F12: variants seen among roughly 807,000 people sequenced by gnomAD.
The protein encoded by F12 is coagulation factor XII, also known as Hageman factor.
Under a neutral mutation model 74.8 loss-of-function variants are expected in F12, and 70 were observed. The ratio of observed to expected loss-of-function variants is 0.94; its 90% CI spans 0.77 to 1.14. F12 has a LOEUF of 1.14. Among genes scored for constraint, F12 ranks in the 50% most tolerant of loss-of-function variants. The probability of loss-of-function intolerance (pLI) is 0.00; values close to 1 mark genes in which losing one functional copy is unlikely to be tolerated. For synonymous variants in F12, 373 were observed against 356.4 expected, an observed-to-expected ratio of 1.05 and a Z score of -0.52; for missense variants, 811 against 835.7, an observed-to-expected ratio of 0.97 and a Z score of 0.36.
At position 177,404,365 on chromosome 5, in the gene F12, G is replaced by A. The variant is rs749691318; in HGVS notation, c.849C>T (p.Asp283=). Residue 283 remains aspartate, a synonymous_variant, in exon 9 of 14, where the codon GAC becomes GAT. Transcript: ENST00000253496. The part of the protein sequence containing the change: ...IRPWCFVLNR[D]RLSWEYCDLA... Reference sequence around the variant, plus strand: ...GGTCGCAGTACTCCCAGCTCAGCCGGTCGCGGTTCAGCACGAAGCACCACG... The same window carrying A: ...GGTCGCAGTACTCCCAGCTCAGCCGATCGCGGTTCAGCACGAAGCACCACG... 4.2e-5 allele frequency: 68 copies of A among 1,611,930 alleles called. No individual in the cohort carries two copies. The Middle Eastern group carries it at 1.2e-3, about 27-fold the overall frequency.
chr5:177,405,049 C>G lies in F12; in HGVS notation c.529+5G>C. ...TCCCTGGCCCGTTCCCAACCATCTG[C>G]TCACCCTGGCTGGCCAGCCGCTGGC... On this transcript the variant is annotated splice_donor_5th_base_variant and intron_variant, in intron 6 of 13. Coordinates refer to ENST00000253496, the MANE Select transcript of F12 (RefSeq NM_000505.4). 1 of 1,611,742 alleles carries G rather than the reference C, an allele frequency of 6.2e-7. No individual in the cohort carries two copies. Among genetic ancestry groups the G allele is most frequent in the South Asian group, 1.1e-5 (1 of 91,012 alleles).
rs927029487 is a variant in F12, at chr5:177,402,325, G to A, written c.1815C>T (p.Tyr605=). Residue 605 remains tyrosine (Y), a synonymous_variant, in exon 14 of 14, where the codon TAC becomes TAT. Coordinates refer to ENST00000253496, the MANE Select transcript of F12 (RefSeq NM_000505.4). ...CGGTGTGCTCCCGGATCCAGGCCAG[G>A]TAGTAGGCCACATCGGTGTAGACGC... is the stretch of plus-strand genomic sequence containing the variant. ...KPGVYTDVAY[Y]LAWIREHTVS The A allele has an allele frequency of 6.2e-7, 1 of 1,613,882 alleles. No homozygotes were observed. Among genetic ancestry groups the A allele is most frequent in the Non-Finnish European group, 8.5e-7 (1 of 1,180,022 alleles).
chr5:177,404,642 A>G lies in F12; in HGVS notation c.657T>C (p.Asp219=), dbSNP rs367623070. 6.2e-7 allele frequency: 1 copy of G among 1,606,674 alleles called. No individual in the cohort carries two copies. Among genetic ancestry groups the G allele is most frequent in the Non-Finnish European group, 8.5e-7 (1 of 1,179,792 alleles). The stretch of plus-strand genomic sequence containing the variant: ...GGCCGCGGTAGCTGAGCCCGCGGCC[A>G]TCATAGCAGCTTGCCTTGGTGTCTG... The part of the protein sequence containing the change: ...CDVDTKASCY[D]GRGLSYRGLA... The change falls in exon 8 of 14, where the codon GAT becomes GAC. Residue 219 remains aspartate, a synonymous_variant. Transcript: ENST00000253496.
chr5:177,405,398 C>T lies in F12; in HGVS notation c.322G>A (p.Gly108Arg), dbSNP rs1362829054. ...CCGCTTGGCATGTTCACACAGGTCC[C>T]TCCTTTCTGGCAGGGGCTGTGTTTG... Reference protein sequence around the residue: ...CSKHSPCQKGGTCVNMPSGPH... With the variant: ...CSKHSPCQKGRTCVNMPSGPH... The change falls in exon 5 of 14, where the codon GGG becomes AGG. Residue 108 changes from glycine (G) to arginine (R), a missense_variant. Physicochemically the swap from Gly to Arg is moderately radical, Grantham distance 125. Transcript: ENST00000253496. The T allele has an allele frequency of 6.2e-7, 1 of 1,613,990 alleles. No individual in the cohort carries two copies. Among genetic ancestry groups the T allele is most frequent in the Non-Finnish European group, 8.5e-7 (1 of 1,180,014 alleles).
In F12 at chr5:177,402,389, A is replaced by G; in HGVS notation, c.1751T>C (p.Ile584Thr). The G allele has an allele frequency of 1.2e-6, 2 of 1,613,572 alleles. No homozygotes were observed. Among genetic ancestry groups the G allele is most frequent in the Non-Finnish European group, 8.5e-7 (1 of 1,179,908 alleles). The change falls in exon 14 of 14, where the codon ATC becomes ACC. Residue 584 changes from isoleucine (I) to threonine (T), a missense_variant. Ile to Thr is a moderately conservative substitution (Grantham distance 89). Transcript: ENST00000253496. ...GTCACCACAGCCCGATCCCCAGCTG[A>G]TGATGCCTTGCAGGGTGAGCCGGCG... ...AERRLTLQGI[I>T]SWGSGCGDRN...
chr5:177,403,546 G>C lies in F12; in HGVS notation c.1322C>G (p.Thr441Arg). Residue 441 changes from threonine (T) to arginine (R), a missense_variant, in exon 11 of 14, where the codon ACG (threonine) becomes AGG (arginine). Transcript: ENST00000253496. ...CAAGCGGTAGGAGCGCACGGCCAACGTCTGGCACGGCTCACAGCTGTGGTT... is the reference window on the plus strand; with the variant it reads ...CAAGCGGTAGGAGCGCACGGCCAACCTCTGGCACGGCTCACAGCTGTGGTT... ...RRNHSCEPCQTLAVRSYRLHE... is the reference protein window; with the variant it reads ...RRNHSCEPCQRLAVRSYRLHE... The C allele has an allele frequency of 6.3e-7, 1 of 1,599,446 alleles. No individual in the cohort carries two copies. The highest frequency in any genetic ancestry group is 1.1e-5 in the South Asian group (1 of 89,464).
intron 12 of F12, 153 bp downstream of exon 12, chr5:177,403,101 C>G (rs534376662): frequency 3.1e-6 from 3 of 956,308 alleles, no homozygotes; most frequent in African/African-American, 3.3e-5. Flanking sequence ...TGGGATTCTA[C>G]CTGGGATTCA....
chr5:177,409,454 G>T lies in F12; in HGVS notation c.57+17C>A, dbSNP rs1170376539. 6.2e-7 allele frequency: 1 copy of T among 1,613,608 alleles called. No individual in the cohort carries two copies. Among genetic ancestry groups the T allele is most frequent in the African/African-American group, 1.3e-5 (1 of 74,822 alleles). On this transcript the variant is annotated intron_variant, in intron 1 of 13. Transcript: ENST00000253496. ...CCAGAACAATCCTGGGACAATCCTG[G>T]TTCCCACAGCACTCACCGAAAGTGT...
At chr5:177,406,752 G>A (rs968146757) in intron 2 of F12, among the ~76,000 whole-genome samples, 7 of 152,218 alleles carry the variant, frequency 4.6e-5, no homozygotes, top group African/African-American at 1.7e-4. Flanking sequence ...TCTACATTGA[G>A]AATGTGCCTA....
intron 10 of F12, 28 bp from the exon 11 acceptor site, chr5:177,403,645 G>C (rs1428303371): frequency 6.3e-7 from 1 of 1,596,854 alleles, no homozygotes; most frequent in Admixed American, 1.7e-5. Context: ...GAGAGGCAGC[G>C]CTCTCAGACC....
Position 177,405,315 on chromosome 5 carries a change from C to A in F12, c.397+8G>T, listed in dbSNP as rs1442039359. 6.2e-7 allele frequency: 1 copy of A among 1,614,036 alleles called. No individual in the cohort carries two copies. Among genetic ancestry groups the A allele is most frequent in the Non-Finnish European group, 8.5e-7 (1 of 1,179,964 alleles). On this transcript the variant is annotated splice_region_variant and intron_variant, in intron 5 of 13. Transcript: ENST00000253496. ...AGCACCCCGCCCAGGTCCTCCACAT[C>A]TCCTCACCTTTCTGGCAGTGGTTTC...
chr5:177,405,884 G>A (rs922800717), intron 3 of F12, 78 bp downstream of exon 3: 1 of 1,600,646 alleles, frequency 6.2e-7, no homozygotes, highest in African/African-American at 1.3e-5. Flanking sequence ...CTCTCTCCAA[G>A]CAGAGTTCCT....
chr5:177,404,012 C>T lies in F12; in HGVS notation c.1097G>A (p.Ser366Asn). 2 of 1,602,312 alleles carry T rather than the reference C, an allele frequency of 1.2e-6. No homozygotes were observed. Among genetic ancestry groups the T allele is most frequent in the East Asian group, 2.2e-5 (1 of 44,852 alleles). Residue 366 changes from serine (S) to asparagine (N), a missense_variant, in exon 10 of 14, where the codon AGT becomes AAT. Physicochemically the swap from Ser to Asn is conservative, Grantham distance 46. Coordinates refer to ENST00000253496, the MANE Select transcript of F12 (RefSeq NM_000505.4). ...AACGACGCGGGTCATCGAAGACAGA[C>T]TCTTGCGGAGCCGCTGCCCGCAGCT... Reference protein sequence around the residue: ...PLSCGQRLRKSLSSMTRVVGG... With the variant: ...PLSCGQRLRKNLSSMTRVVGG...
chr5:177,408,973 C>G, intron 2 of F12, 73 bp downstream of exon 2: 1 of 1,444,278 alleles, frequency 6.9e-7, no homozygotes, highest in Non-Finnish European at 9.5e-7. Context: ...ACTAGACTGC[C>G]CTGAGACTGC....
At chr5:177,409,125 A>C in intron 1 of F12, 22 bp from the exon 2 acceptor site, 1 of 1,551,148 alleles carries the variant, frequency 6.4e-7, no homozygotes, top group Non-Finnish European at 8.7e-7. Flanking sequence ...AGAAGAAGGC[A>C]GGGAACTGAC....
In F12 at chr5:177,408,801, G is replaced by T. The variant is rs571810809; in HGVS notation, c.115+245C>A. ...TGGGGAAACTGAGGAAGGCTGGCAG[G>T]AGCCCAGGTGTGATGGCGCCAGCAG... On this transcript the variant is annotated intron_variant, in intron 2 of 13. Transcript: ENST00000253496. Among the ~76,000 whole-genome samples, 7 of 152,366 alleles carry T rather than the reference G, an allele frequency of 4.6e-5. No individual in the cohort carries two copies. In the South Asian group the frequency reaches 1.4e-3, roughly 32 times the overall value.
chr5:177,406,152 C>G, intron 2 of F12, 91 bp from the exon 3 acceptor site: 1 of 1,210,106 alleles, frequency 8.3e-7, no homozygotes, highest in Non-Finnish European at 1.2e-6. Context: ...AGGACAGACC[C>G]TCAAAAAGGT....
At chr5:177,406,082 C>T (rs368126167) in intron 2 of F12, 21 bp from the exon 3 acceptor site, 29 of 1,602,294 alleles carry the variant, frequency 1.8e-5, no homozygotes, top group Non-Finnish European at 2.5e-5. Flanking sequence ...AACACACTCT[C>T]TGAGGACTTC....
rs1330536017 is a variant in F12 at position 177,404,521 on chromosome 5, G to C, written c.778C>G (p.Leu260Val). 6.3e-7 allele frequency: 1 copy of C among 1,596,360 alleles called. No individual in the cohort carries two copies. The highest frequency in any genetic ancestry group is 1.1e-5 in the South Asian group (1 of 89,390). Residue 260 changes from leucine to valine, a missense_variant, in exon 8 of 14, where the codon CTG (leucine) becomes GTG (valine). Physicochemically the swap from Leu to Val is conservative, Grantham distance 32 (BLOSUM62 1). Transcript: ENST00000253496. ...CACCGGCAGAAGGCGTGGCCGCCCAGTCCCCAGTTCCGCGCTTGCTCGGCA... is the reference window on the plus strand; with the variant it reads ...CACCGGCAGAAGGCGTGGCCGCCCACTCCCCAGTTCCGCGCTTGCTCGGCA... ...VTAEQARNWG[L>V]GGHAFCRNPD...
Sources: gnomAD v4.1 joint callset for allele counts (sites outside exome capture counted in the v4.1 genomes callset) on GRCh38, gnomAD v4.1.1 for gene constraint, MANE v1.5 for transcripts, NCBI Gene and HGNC (gene_info 2026-07-23, HGNC 2026-07-21) for gene names.